STK24: variants seen among roughly 807,000 people sequenced by gnomAD.
The protein encoded by STK24 is serine/threonine-protein kinase 24.
STK24 carries 21 observed loss-of-function variants against 55.6 expected under a neutral mutation model. That is an observed-to-expected ratio of 0.38 (90% CI 0.27 to 0.54). The LOEUF (loss-of-function observed/expected upper bound fraction) is 0.54. Ranked by LOEUF, STK24 falls within the 20% of genes least tolerant of loss-of-function variation. STK24 has a pLI of 0.79. For missense variants in STK24, 383 were observed against 538.4 expected (o/e 0.71, Z 2.86); for synonymous variants, 200 against 215.2 (o/e 0.93, Z 0.62).
chr13:98,471,949 C>G (rs1172456259), intron 5 of STK24, among the ~76,000 whole-genome samples: 1 of 152,176 alleles, frequency 6.6e-6, no homozygotes, highest in Non-Finnish European at 1.5e-5. Context: ...GGGGAAATGT[C>G]TACAAGTCAT....
intron 2 of STK24, among the ~76,000 whole-genome samples, chr13:98,491,431 C>CT: frequency 6.6e-6 from 1 of 152,242 alleles, no homozygotes; most frequent in Non-Finnish European, 1.5e-5. Flanking sequence ...CAAACGTTCA[C>CT]TGGGAGAAAG....
chr13:98,519,115 C>G, intron 2 of STK24, 128 bp downstream of exon 2: 1 of 708,314 alleles, frequency 1.4e-6, no homozygotes, highest in African/African-American at 1.8e-5. Context: ...CTTTTGATCA[C>G]GAAGGTCAAA....
chr13:98,478,703 T>C (rs1465872718), intron 3 of STK24, among the ~76,000 whole-genome samples: 2 of 152,250 alleles, frequency 1.3e-5, no homozygotes, highest in Non-Finnish European at 2.9e-5. Context: ...GTGTACTCAT[T>C]TTTTAAGTCC....
chr13:98,530,412 ATGGTCTTGGATG>A (rs1896551156), intron 1 of STK24, among the ~76,000 whole-genome samples: 2 of 152,114 alleles, frequency 1.3e-5, no homozygotes, highest in Non-Finnish European at 2.9e-5. Context: ...TCTCTTGGAT[ATGGTCTTGGATG>A]TGGTCTGGGC....
At chr13:98,526,519 G>A (rs1345661998) in intron 1 of STK24, among the ~76,000 whole-genome samples, 5 of 152,290 alleles carry the variant, frequency 3.3e-5, no homozygotes, top group Middle Eastern at 3.4e-3. Flanking sequence ...GGCAGAGGGC[G>A]GTGGAGGGGT....
At chr13:98,560,121 T>C (rs966068763) in intron 1 of STK24, among the ~76,000 whole-genome samples, 3 of 152,218 alleles carry the variant, frequency 2.0e-5, no homozygotes, top group African/African-American at 7.2e-5. Flanking sequence ...CTGAAGCCGG[T>C]TGACAGCAAA....
chr13:98,562,635 G>A (rs2139453679), intron 1 of STK24, among the ~76,000 whole-genome samples: 1 of 152,298 alleles, frequency 6.6e-6, no homozygotes, highest in Non-Finnish European at 1.5e-5. Context: ...AGGGTTCCAG[G>A]CTGGGTGCAG....
intron 1 of STK24, among the ~76,000 whole-genome samples, chr13:98,545,234 G>A (rs543448300): frequency 6.6e-6 from 1 of 152,336 alleles, no homozygotes; most frequent in East Asian, 1.9e-4. Flanking sequence ...TTAACAGTAT[G>A]TTCTCTCTGT....
intron 1 of STK24, among the ~76,000 whole-genome samples, chr13:98,546,276 C>T (rs1897026725): frequency 6.6e-6 from 1 of 152,168 alleles, no homozygotes; most frequent in African/African-American, 2.4e-5. Context: ...AGTGCTATCC[C>T]AGATGATCTG....
intron 1 of STK24, among the ~76,000 whole-genome samples, chr13:98,560,367 T>C (rs561525352): frequency 6.6e-6 from 1 of 152,322 alleles, no homozygotes; most frequent in East Asian, 1.9e-4. Context: ...GCATACAGTA[T>C]GATTATGCTG....
At chr13:98,511,634 T>C (rs933803879) in intron 2 of STK24, among the ~76,000 whole-genome samples, 1 of 152,178 alleles carries the variant, frequency 6.6e-6, no homozygotes, top group Non-Finnish European at 1.5e-5. Flanking sequence ...GACACATGCA[T>C]GAACACGGAA....
Position 98,453,051 on chromosome 13 carries a change from G to C in STK24, c.*122C>G. On this transcript the variant is annotated 3_prime_UTR_variant, in exon 11 of 11. Coordinates refer to ENST00000539966, the MANE Select transcript of STK24 (RefSeq NM_001032296.4). Reference sequence around the variant, plus strand: ...TGTCCCTGGACGGGCGCCTGGCGCTGGGGTGGCTCCCAGTGGCGCACCTCT... The same window carrying C: ...TGTCCCTGGACGGGCGCCTGGCGCTCGGGTGGCTCCCAGTGGCGCACCTCT... The C allele has an allele frequency of 8.8e-7, 1 of 1,131,876 alleles. No individual in the cohort carries two copies. The allele number at this position is 1,131,876 out of a possible 1,614,324, so 70.1% of individuals were successfully genotyped here. A position where few individuals can be genotyped will look rare whatever the true frequency, so the allele number is the denominator to read the frequency against.
chr13:98,520,336 A>C (rs1896215668), intron 1 of STK24, among the ~76,000 whole-genome samples: 1 of 152,158 alleles, frequency 6.6e-6, no homozygotes, highest in Non-Finnish European at 1.5e-5. Context: ...TGCCAATGGC[A>C]CCCCGGTGAC....
At position 98,466,521 on chromosome 13, in the gene STK24, G is replaced by T. The variant is rs1226124868; in HGVS notation, c.638C>A (p.Ala213Glu). The T allele has an allele frequency of 6.2e-7, 1 of 1,613,936 alleles. No individual in the cohort carries two copies. The highest frequency in any genetic ancestry group is 1.3e-5 in the African/African-American group (1 of 74,916). The change falls in exon 6 of 11, where the codon GCA (alanine) becomes GAA (glutamate). Residue 213 changes from alanine to glutamate, a missense_variant. Coordinates refer to ENST00000539966, the MANE Select transcript of STK24 (RefSeq NM_001032296.4). ...WSLGITAIELARGEPPHSELH... is the reference protein window; with the variant it reads ...WSLGITAIELERGEPPHSELH... ...CTCGGAATGAGGTGGTTCCCCTCTT[G>T]CAAGTTCAATAGCTGTTATGCCCAG...
In STK24 at chr13:98,460,433, T is replaced by C. The variant is rs1893653962; in HGVS notation, c.1061A>G (p.Asp354Gly). Residue 354 changes from aspartate (D) to glycine (G), a missense_variant, in exon 9 of 11, where the codon GAC becomes GGC. Asp to Gly is a moderately conservative substitution (Grantham distance 94). Coordinates refer to ENST00000539966, the MANE Select transcript of STK24 (RefSeq NM_001032296.4). ...PSDLDRNKMK[D>G]IPKRPFSQCL... ...CTGAGAGAAAGGCCTCTTCGGGATG[T>C]CTTTCATCTTGGGGGAGAGGGAAAA... 6.2e-7 allele frequency: 1 copy of C among 1,613,006 alleles called. No individual in the cohort carries two copies.
intron 10 of STK24, 64 bp from the exon 11 acceptor site, chr13:98,453,273 TA>T: frequency 6.6e-7 from 1 of 1,515,470 alleles, no homozygotes; most frequent in Admixed American, 2.0e-5. Flanking sequence ...CAAAAATTCA[TA>T]TAGTAACCAA....
In STK24 at chr13:98,507,679, C is replaced by T. The variant is rs1213833593; in HGVS notation, c.273+11564G>A. 2.0e-5 allele frequency among the ~76,000 whole-genome samples: 3 copies of T among 152,166 alleles called. 1 individual carries two copies. The South Asian group carries it at 6.2e-4, about 32-fold the overall frequency. On this transcript the variant is annotated intron_variant, in intron 2 of 10. Transcript: ENST00000539966. ...TGCCCAGTGTCTGCAGATGAGGAAA[C>T]AGAGCCCAAAATTAGACTACCACAC... is the stretch of plus-strand genomic sequence containing the variant.
chr13:98,466,648 A>G, intron 5 of STK24, 87 bp from the exon 6 acceptor site: 1 of 1,417,898 alleles, frequency 7.1e-7, no homozygotes, highest in Non-Finnish European at 9.5e-7. Context: ...AACATGTCTC[A>G]ATACTTCTGA....
rs148801764 is a variant in STK24 at position 98,538,023 on chromosome 13, C to G, written c.43-18550G>C. Among the ~76,000 whole-genome samples the G allele has an allele frequency of 2.2e-3, 335 of 152,158 alleles. 2 individuals are homozygous for G. The highest frequency in any genetic ancestry group is 0.017 in the South Asian group (83 of 4,810). On this transcript the variant is annotated intron_variant, in intron 1 of 10. Coordinates refer to ENST00000539966, the MANE Select transcript of STK24 (RefSeq NM_001032296.4). ...TGGGCAGGGCCTACCTTGTAGATGT[C>G]ACTTGTAGCTTCCACCCTGGTTTTC...
Sources: gnomAD v4.1 joint callset for allele counts (sites outside exome capture counted in the v4.1 genomes callset) on GRCh38, gnomAD v4.1.1 for gene constraint, MANE v1.5 for transcripts, NCBI Gene and HGNC (gene_info 2026-07-23, HGNC 2026-07-21) for gene names.